GUCY1A2: variants seen among roughly 807,000 people sequenced by gnomAD.
GUCY1A2 encodes the protein guanylate cyclase 1 soluble subunit alpha 2.
Under a neutral mutation model 63.5 loss-of-function variants are expected in GUCY1A2, and 27 were observed. The observed-to-expected ratio is 0.43, with a 90% CI of 0.31 to 0.59. GUCY1A2 has a LOEUF of 0.59. GUCY1A2 is among the 20% of genes least tolerant of loss of function. GUCY1A2 has a pLI of 0.11. For synonymous variants in GUCY1A2, 364 were observed against 343.5 expected (o/e 1.06, Z -0.66); for missense variants, 768 against 913.3 (o/e 0.84, Z 2.05).
chr11:106,741,734 T>C (rs1863698128), intron 6 of GUCY1A2, among the ~76,000 whole-genome samples: 1 of 152,218 alleles, frequency 6.6e-6, no homozygotes, highest in Non-Finnish European at 1.5e-5. Context: ...AAGTTTACAA[T>C]GGTGATAATG....
chr11:106,747,336 T>C (rs190935056), intron 6 of GUCY1A2, among the ~76,000 whole-genome samples: 5 of 152,312 alleles, frequency 3.3e-5, no homozygotes, highest in Admixed American at 2.6e-4. Flanking sequence ...GTTAAATAAA[T>C]TTTTTAACCT....
intron 4 of GUCY1A2, among the ~76,000 whole-genome samples, chr11:106,850,583 T>C (rs113534410): frequency 6.6e-6 from 1 of 151,820 alleles, no homozygotes; most frequent in South Asian, 2.1e-4. Flanking sequence ...GGCACCCACA[T>C]ATGTGTGACA....
At chr11:106,982,291 T>A (rs957266609) in intron 2 of GUCY1A2, among the ~76,000 whole-genome samples, 3 of 152,168 alleles carry the variant, frequency 2.0e-5, no homozygotes, top group African/African-American at 7.2e-5. Flanking sequence ...CATTCCTCTA[T>A]CCTCAGTTGC....
intron 4 of GUCY1A2, among the ~76,000 whole-genome samples, chr11:106,907,249 T>C (rs1033105347): frequency 7.2e-5 from 11 of 151,984 alleles, no homozygotes; most frequent in Non-Finnish European, 1.2e-4. Context: ...GGTGCACCTA[T>C]GGCTTGCCAT....
At chr11:106,896,198 A>G (rs1473658791) in intron 4 of GUCY1A2, among the ~76,000 whole-genome samples, 1 of 151,992 alleles carries the variant, frequency 6.6e-6, no homozygotes, top group Non-Finnish European at 1.5e-5. Context: ...CCATCACATC[A>G]ATAGGCTAAA....
chr11:106,833,703 T>C (rs898315684), intron 4 of GUCY1A2, among the ~76,000 whole-genome samples: 9 of 152,204 alleles, frequency 5.9e-5, no homozygotes, highest in Middle Eastern at 3.4e-3. Flanking sequence ...GGTTAACTTA[T>C]ATGAACTTAA....
At chr11:106,998,534 T>G (rs1171851023) in intron 1 of GUCY1A2, among the ~76,000 whole-genome samples, 1 of 152,252 alleles carries the variant, frequency 6.6e-6, no homozygotes, top group Admixed American at 6.5e-5. Context: ...AAGAAGGTAC[T>G]GATTGGATAT....
intron 1 of GUCY1A2, among the ~76,000 whole-genome samples, chr11:107,000,102 G>T (rs1004409874): frequency 2.6e-5 from 4 of 152,116 alleles, no homozygotes; most frequent in African/African-American, 9.7e-5. Flanking sequence ...CCTTCAGCAG[G>T]AAAGTTAGGT....
chr11:106,977,497 TTTC>T (rs1485370752), intron 3 of GUCY1A2, among the ~76,000 whole-genome samples: 1 of 152,170 alleles, frequency 6.6e-6, no homozygotes, highest in African/African-American at 2.4e-5. Flanking sequence ...AGGTATACAT[TTTC>T]TTATTATACA....
chr11:106,881,051 G>T lies in GUCY1A2; in HGVS notation c.1206+58409C>A, dbSNP rs994458627. Among the ~76,000 whole-genome samples, 3 of 152,034 alleles carry T rather than the reference G, an allele frequency of 2.0e-5. No homozygotes were observed. The South Asian group carries it at 6.2e-4, about 32-fold the overall frequency. ...AAGGGGTAAATTAAATTATCTCTGA[G>T]GTTCCTTCCAGCTCTAGCATCCTAT... is the stretch of plus-strand genomic sequence containing the variant. On this transcript the variant is annotated intron_variant, in intron 4 of 7. Coordinates refer to ENST00000526355, the MANE Select transcript of GUCY1A2 (RefSeq NM_000855.3).
chr11:106,843,363 T>G (rs1326570698), intron 4 of GUCY1A2, among the ~76,000 whole-genome samples: 1 of 151,762 alleles, frequency 6.6e-6, no homozygotes, highest in Admixed American at 6.6e-5. Flanking sequence ...TGCACCAAAA[T>G]CTATGCATGT....
intron 6 of GUCY1A2, among the ~76,000 whole-genome samples, chr11:106,709,404 A>G (rs866307305): frequency 4.0e-3 from 380 of 94,200 alleles, no homozygotes; most frequent in African/African-American, 0.016. Flanking sequence ...TAAATTATAT[A>G]TTATACTATG....
intron 3 of GUCY1A2, among the ~76,000 whole-genome samples, chr11:106,944,938 A>T (rs989971093): frequency 6.6e-6 from 1 of 152,148 alleles, no homozygotes; most frequent in Admixed American, 6.5e-5. Context: ...CCATAAACAT[A>T]TTTAGAGGAA....
At position 106,940,031 on chromosome 11, in the gene GUCY1A2, G is replaced by C. The variant is rs1860732272; in HGVS notation, c.635C>G (p.Thr212Ser). The change falls in exon 4 of 8, where the codon ACT becomes AGT. Residue 212 changes from threonine (T) to serine (S), a missense_variant. Transcript: ENST00000526355. ...CAGAGTGGCCTGTTTTCCAAAAGAAGTTCTAATGTGTTCCAACAAAGCATC... is the reference window on the plus strand; with the variant it reads ...CAGAGTGGCCTGTTTTCCAAAAGAACTTCTAATGTGTTCCAACAAAGCATC... ...GFDALLEHIR[T>S]SFGKQATLES... is the part of the protein sequence containing the mutation. 1 of 1,613,820 alleles carries C rather than the reference G, an allele frequency of 6.2e-7. No individual in the cohort carries two copies. The highest frequency in any genetic ancestry group is 1.1e-5 in the South Asian group (1 of 91,082).
chr11:106,903,436 C>T (rs949620424), intron 4 of GUCY1A2, among the ~76,000 whole-genome samples: 1 of 152,098 alleles, frequency 6.6e-6, no homozygotes, highest in Non-Finnish European at 1.5e-5. Context: ...GGATTATATT[C>T]CACCAAAACA....
At chr11:106,812,747 T>C (rs1201586555) in intron 4 of GUCY1A2, among the ~76,000 whole-genome samples, 2 of 152,138 alleles carry the variant, frequency 1.3e-5, no homozygotes, top group Middle Eastern at 3.4e-3. Flanking sequence ...TTGACTTATA[T>C]GTGGCCATTA....
intron 6 of GUCY1A2, among the ~76,000 whole-genome samples, chr11:106,762,302 A>G (rs570198351): frequency 2.6e-5 from 4 of 152,250 alleles, no homozygotes; most frequent in Admixed American, 2.6e-4. Flanking sequence ...CTTGTGCAGC[A>G]AAGGATCAGA....
intron 5 of GUCY1A2, among the ~76,000 whole-genome samples, chr11:106,799,722 C>T (rs1272840475): frequency 6.6e-6 from 1 of 152,146 alleles, no homozygotes; most frequent in Non-Finnish European, 1.5e-5. Flanking sequence ...CTTCCTTACA[C>T]CTTATACAGA....
chr11:106,849,981 C>A (rs1409702030), intron 4 of GUCY1A2, among the ~76,000 whole-genome samples: 1 of 151,614 alleles, frequency 6.6e-6, no homozygotes, highest in Non-Finnish European at 1.5e-5. Flanking sequence ...CATCACAAAC[C>A]CTTTTAGAAT....
Sources: allele counts gnomAD v4.1 joint callset (sites outside exome capture counted in the v4.1 genomes callset), GRCh38; gene constraint gnomAD v4.1.1; transcripts MANE v1.5; gene names NCBI Gene and HGNC (gene_info 2026-07-23, HGNC 2026-07-21).